GRM4: variants seen among roughly 807,000 people sequenced by gnomAD.
GRM4 encodes glutamate metabotropic receptor 4.
Under a neutral mutation model 81.7 loss-of-function variants are expected in GRM4, and 28 were observed. That is an observed-to-expected ratio of 0.34 (90% CI 0.25 to 0.47). The LOEUF is 0.47. GRM4 is among the 20% of genes least tolerant of loss of function. GRM4 has a pLI of 1.00. For missense variants in GRM4, 948 were observed against 1,290.0 expected, an observed-to-expected ratio of 0.73 and a Z score of 4.06; for synonymous variants, 488 against 528.8, an observed-to-expected ratio of 0.92 and a Z score of 1.06.
At chr6:34,106,214 A>G (rs1404370830) in intron 2 of GRM4, among the ~76,000 whole-genome samples, 2 of 152,094 alleles carry the variant, frequency 1.3e-5, no homozygotes, top group Non-Finnish European at 2.9e-5. Flanking sequence ...TAGGAGTTTG[A>G]GACTAACCTT....
chr6:34,040,629 C>T lies in GRM4; in HGVS notation c.1288G>A (p.Gly430Ser), dbSNP rs763483927. The T allele has an allele frequency of 3.7e-6, 6 of 1,614,156 alleles. No individual in the cohort carries two copies. The highest frequency in any genetic ancestry group is 4.5e-5 in the East Asian group (2 of 44,886). The stretch of plus-strand genomic sequence containing the variant: ...ATGCGCGGGCAGAGCCCCACGCGGC[C>T]GGGACACAGGTCACGGTGCATGGCG... The part of the protein sequence containing the change: ...LHAMHRDLCP[G>S]RVGLCPRMDP... The change falls in exon 7 of 11, where the codon GGC becomes AGC. Residue 430 changes from glycine (G) to serine (S), a missense_variant. Gly to Ser is a moderately conservative substitution (Grantham distance 56, BLOSUM62 0). Coordinates refer to ENST00000538487, the MANE Select transcript of GRM4 (RefSeq NM_000841.4).
Position 34,048,163 on chromosome 6 carries a change from G to A in GRM4, c.1169-7415C>T, listed in dbSNP as rs978356736. Among the ~76,000 whole-genome samples the A allele has an allele frequency of 2.0e-5, 3 of 152,188 alleles. No individual in the cohort carries two copies. Among genetic ancestry groups the A allele is most frequent in the African/African-American group, 7.2e-5 (3 of 41,436 alleles). On this transcript the variant is annotated intron_variant, in intron 6 of 10. Transcript: ENST00000538487. The surrounding 1 kb of genome is among the most constrained non-coding windows in gnomAD (Gnocchi z 4.0). ...TGGCCTCAAGAATGTGTCCTCAGATGTCCACAGACCTAGCTTTGAGAAACA... is the reference window on the plus strand; with the variant it reads ...TGGCCTCAAGAATGTGTCCTCAGATATCCACAGACCTAGCTTTGAGAAACA...
chr6:34,119,333 T>C (rs532440016), intron 2 of GRM4, among the ~76,000 whole-genome samples: 2 of 152,184 alleles, frequency 1.3e-5, no homozygotes, highest in East Asian at 3.9e-4. Flanking sequence ...GAGGCGAAGG[T>C]TGCAGTGAGC....
rs930292762 is a variant in GRM4 at position 34,103,488 on chromosome 6, C to T, written c.520-11389G>A. 57 of 960,182 alleles carry T rather than the reference C, an allele frequency of 5.9e-5. No homozygotes were observed. The East Asian group carries it at 9.0e-4, about 15-fold the overall frequency. 59.5% of individuals were successfully genotyped at this position (960,182 alleles called of 1,614,324 possible). On this transcript the variant is annotated intron_variant, in intron 2 of 10. Transcript: ENST00000538487. ...AGATAAGAGCGCCCGAGAGAGCAGG[C>T]GGGGGCGGCGGGCGAGGGAGAGCAA...
At position 34,069,167 on chromosome 6, in the gene GRM4, TACACACACACACAC is replaced by T. The variant is rs71000021; in HGVS notation, c.737-7153_737-7140del. On this transcript the variant is annotated intron_variant, in intron 3 of 10. Coordinates refer to ENST00000538487, the MANE Select transcript of GRM4 (RefSeq NM_000841.4). This position sits in a 1 kb window ranked among gnomAD's most constrained non-coding sequence, Gnocchi z 6.4. ...CTACCCCTGGACCCTCATGGGCGTA[TACACACACACACAC>T]ACACACACACACACACACACACACG... 1.9e-4 allele frequency among the ~76,000 whole-genome samples: 25 copies of T among 134,606 alleles called. No individual in the cohort carries two copies. The highest frequency in any genetic ancestry group is 3.9e-4 in the Non-Finnish European group (25 of 63,970). The allele number at this position is 134,606 out of a possible 152,430, so 88.3% of individuals were successfully genotyped here.
intron 1 of GRM4, among the ~76,000 whole-genome samples, chr6:34,139,936 C>G (rs1461678321): frequency 6.6e-6 from 1 of 151,704 alleles, no homozygotes; most frequent in Non-Finnish European, 1.5e-5. Flanking sequence ...TGGGGAAACA[C>G]TGGGAGTGAA....
rs542564038 is a variant in GRM4 at position 34,155,612 on chromosome 6, G to A, written c.-222C>T. 45 of 455,978 alleles carry A rather than the reference G, an allele frequency of 9.9e-5. No individual in the cohort carries two copies. In the South Asian group the frequency reaches 1.1e-3, roughly 11 times the overall value. 28.2% of individuals were successfully genotyped at this position (455,978 alleles called of 1,614,324 possible). A position where few individuals can be genotyped will look rare whatever the true frequency, so the allele number is the denominator to read the frequency against. ...TGGGCTCAAGCGATCCTCCAGCAAA[G>A]CGCTGGGATTACGGACAGGAGCTGC... On this transcript the variant is annotated 5_prime_UTR_variant, in exon 1 of 9. Transcript: ENST00000374177.
At position 34,130,233 on chromosome 6, in the gene GRM4, C is replaced by G. The variant is rs771996970; in HGVS notation, c.519+2745G>C. 1.3e-5 allele frequency among the ~76,000 whole-genome samples: 2 copies of G among 152,234 alleles called. No homozygotes were observed. The highest frequency in any genetic ancestry group is 2.9e-5 in the Non-Finnish European group (2 of 68,042). On this transcript the variant is annotated intron_variant, in intron 2 of 10. Coordinates refer to ENST00000538487, the MANE Select transcript of GRM4 (RefSeq NM_000841.4). This position sits in a 1 kb window ranked among gnomAD's most constrained non-coding sequence, Gnocchi z 4.1. Reference sequence around the variant, plus strand: ...GAGGCCTCTTGTCACCAGCCTGGAACATTAAGGCTGTTAAAAGGGACCCAG... The same window carrying G: ...GAGGCCTCTTGTCACCAGCCTGGAAGATTAAGGCTGTTAAAAGGGACCCAG...
upstream of GRM4, among the ~76,000 whole-genome samples, chr6:34,148,275 C>G (rs1770979585): frequency 6.6e-6 from 1 of 152,088 alleles, no homozygotes; most frequent in African/African-American, 2.4e-5. Flanking sequence ...CTGTGGGCCC[C>G]CCTTGCCCAG....
chr6:34,153,382 C>T (rs781656837), intron 1 of GRM4, among the ~76,000 whole-genome samples: 2 of 152,252 alleles, frequency 1.3e-5, no homozygotes, highest in South Asian at 4.1e-4. Context: ...CCATCCCCCA[C>T]ACTCCGGGCA....
chr6:34,088,039 T>C (rs969623228), intron 3 of GRM4, among the ~76,000 whole-genome samples: 2 of 152,036 alleles, frequency 1.3e-5, no homozygotes, highest in African/African-American at 4.8e-5. Context: ...AGGCCCCAGG[T>C]AGGGCTGGGA....
At chr6:34,094,347 A>G (rs74315608) in intron 2 of GRM4, among the ~76,000 whole-genome samples, 3,014 of 152,162 alleles carry the variant, frequency 0.02, 39 homozygotes, top group Non-Finnish European at 0.031. Flanking sequence ...AGCAAACCAC[A>G]CTCGACTATA....
intron 1 of GRM4, among the ~76,000 whole-genome samples, chr6:34,134,144 A>T (rs753769941): frequency 2.6e-5 from 4 of 152,106 alleles, no homozygotes; most frequent in Non-Finnish European, 4.4e-5. Flanking sequence ...ACAGCCTCGA[A>T]CTGGCTTGGA....
At chr6:34,027,359 A>G (rs1226404566) in intron 10 of GRM4, among the ~76,000 whole-genome samples, 1 of 152,118 alleles carries the variant, frequency 6.6e-6, no homozygotes, top group Admixed American at 6.5e-5. Context: ...TGTCCTGGCC[A>G]GCTCCAGACC....
chr6:34,057,250 T>A (rs2127459399), intron 5 of GRM4, among the ~76,000 whole-genome samples: 1 of 149,172 alleles, frequency 6.7e-6, no homozygotes, highest in South Asian at 2.1e-4. Flanking sequence ...GTGGGCAGGC[T>A]GGCGGTGAAC....
At position 34,064,191 on chromosome 6, in the gene GRM4, C is replaced by T. The variant is rs569902329; in HGVS notation, c.737-2163G>A. ...TCTTGCAACTGCAAGAGATTCAGAC[C>T]AGAAGGGAGTGCGGGGGGCGGGGGT... On this transcript the variant is annotated intron_variant, in intron 3 of 10. Transcript: ENST00000538487. This position sits in a 1 kb window ranked among gnomAD's most constrained non-coding sequence, Gnocchi z 4.4. Among the ~76,000 whole-genome samples, 75 of 151,806 alleles carry T rather than the reference C, an allele frequency of 4.9e-4. No homozygotes were observed. Among genetic ancestry groups the T allele is most frequent in the African/African-American group, 1.8e-3 (74 of 41,354 alleles).
At chr6:34,153,140 G>A (rs1274913477) in intron 1 of GRM4, among the ~76,000 whole-genome samples, 4 of 152,078 alleles carry the variant, frequency 2.6e-5, no homozygotes, top group Admixed American at 2.6e-4. Flanking sequence ...GACAAGAAGG[G>A]ACCTTGGCAG....
intron 6 of GRM4, among the ~76,000 whole-genome samples, chr6:34,044,071 TAC>T (rs1196071503): frequency 1.4e-5 from 2 of 146,716 alleles, no homozygotes; most frequent in East Asian, 2.0e-4. Flanking sequence ...TACACATATA[TAC>T]ACAGACACAC....
chr6:34,055,510 T>TCCC (rs1159792395), intron 6 of GRM4: 1 of 152,078 alleles, frequency 6.6e-6, no homozygotes, highest in African/African-American at 2.4e-5. Flanking sequence ...ATGCAGCGCG[T>TCCC]CCCCCGCCCT....
Sources: gnomAD v4.1 joint callset for allele counts (sites outside exome capture counted in the v4.1 genomes callset) on GRCh38, gnomAD v4.1.1 for gene constraint, Gnocchi (gnomAD v3.1) non-coding constraint, MANE v1.5 for transcripts, NCBI Gene and HGNC (gene_info 2026-07-23, HGNC 2026-07-21) for gene names.